Variants in SGCG observed in about 807,000 individuals in gnomAD.
SGCG encodes sarcoglycan gamma, also known as gamma-sarcoglycan.
SGCG carries 26 observed loss-of-function variants against 29.3 expected under a neutral mutation model. The observed-to-expected ratio is 0.89, with a 90% CI of 0.65 to 1.23. SGCG has a LOEUF of 1.23. SGCG is among the 50% of genes most tolerant of loss of function. The pLI, the probability that SGCG is intolerant of heterozygous loss-of-function variation, is 0.00. For missense variants in SGCG, 353 were observed against 356.0 expected (o/e 0.99, Z 0.07); for synonymous variants, 145 against 129.7 (o/e 1.12, Z -0.80).
the SGCG span, among the ~76,000 whole-genome samples, chr13:23,162,571 A>G: frequency 6.6e-6 from 1 of 152,032 alleles, no homozygotes; most frequent in South Asian, 2.1e-4. Flanking sequence ...GCTTGCAGTG[A>G]GCCGAGATCA....
At chr13:23,299,435 TATATATATATATA>T (rs1461766579) in intron 6 of SGCG, among the ~76,000 whole-genome samples, 291 of 20,182 alleles carry the variant, frequency 0.014, 38 homozygotes, top group East Asian at 0.11. Flanking sequence ...TATATATATA[TATATATATATATA>T]TATATATATT....
intron 4 of SGCG, among the ~76,000 whole-genome samples, chr13:23,276,882 T>G (rs1263307045): frequency 6.6e-6 from 1 of 152,240 alleles, no homozygotes; most frequent in East Asian, 1.9e-4. Flanking sequence ...GAAACCAGGC[T>G]TACATGCTTT....
intron 4 of SGCG, among the ~76,000 whole-genome samples, chr13:23,252,615 C>T (rs1023984636): frequency 2.6e-5 from 4 of 151,930 alleles, no homozygotes; most frequent in African/African-American, 7.3e-5. Context: ...GGCGTGAACC[C>T]GGGAGGCGGA....
At chr13:23,194,994 C>T (rs1165972407) in intron 1 of SGCG, among the ~76,000 whole-genome samples, 1 of 152,214 alleles carries the variant, frequency 6.6e-6, no homozygotes, top group Non-Finnish European at 1.5e-5. Flanking sequence ...TTAACATTAA[C>T]TCAGCTTTCA....
chr13:23,261,522 C>T (rs918493534), intron 4 of SGCG, among the ~76,000 whole-genome samples: 1 of 151,836 alleles, frequency 6.6e-6, no homozygotes, highest in African/African-American at 2.4e-5. Flanking sequence ...GTAAAACAAC[C>T]AAACTAACAA....
chr13:23,181,686 A>G (rs1006697983), intron 1 of SGCG, among the ~76,000 whole-genome samples: 1 of 152,244 alleles, frequency 6.6e-6, no homozygotes, highest in Non-Finnish European at 1.5e-5. Context: ...AAAAATAAAC[A>G]TAAGTGGGGT....
At chr13:23,168,554 T>A in the SGCG span, among the ~76,000 whole-genome samples, 3 of 152,308 alleles carry the variant, frequency 2.0e-5, no homozygotes, top group East Asian at 5.8e-4. Context: ...ATAACGCAGC[T>A]TCTCAGTACA....
intron 4 of SGCG, among the ~76,000 whole-genome samples, chr13:23,263,429 A>G (rs1880521796): frequency 6.6e-6 from 1 of 152,088 alleles, no homozygotes; most frequent in Admixed American, 6.5e-5. Flanking sequence ...TTGAATCAGA[A>G]AGAAATAGAA....
chr13:23,207,575 G>T (rs1878029479), intron 2 of SGCG, among the ~76,000 whole-genome samples: 3 of 152,056 alleles, frequency 2.0e-5, no homozygotes, highest in South Asian at 4.1e-4. Flanking sequence ...ACTGATAAGG[G>T]GTTAATTTCC....
In SGCG at chr13:23,202,960, T is replaced by A. The variant is rs190286091; in HGVS notation, c.1-735T>A. ...TGAATAATTTTTTAAGTTTTCTTTT[T>A]TTCTTTTTCTTTTTTTTGAGATGGA... On this transcript the variant is annotated intron_variant, in intron 1 of 7. Transcript: ENST00000218867. Among the ~76,000 whole-genome samples the A allele has an allele frequency of 3.3e-3, 506 of 152,294 alleles. 2 individuals are homozygous for A. Among genetic ancestry groups the A allele is most frequent in the African/African-American group, 0.011 (477 of 41,558 alleles).
chr13:23,289,850 T>C (rs2137634708), intron 5 of SGCG, among the ~76,000 whole-genome samples: 1 of 152,312 alleles, frequency 6.6e-6, no homozygotes, highest in South Asian at 2.1e-4. Flanking sequence ...TTGAACAGGG[T>C]ACTCCTTGAT....
intron 6 of SGCG, among the ~76,000 whole-genome samples, chr13:23,310,250 G>A (rs9507078): frequency 3.3e-5 from 5 of 151,362 alleles, no homozygotes; most frequent in Non-Finnish European, 7.4e-5. Context: ...CCACACCCGG[G>A]TAATTTTTTG....
At chr13:23,274,238 TC>T (rs1466392002) in intron 4 of SGCG, among the ~76,000 whole-genome samples, 1 of 152,148 alleles carries the variant, frequency 6.6e-6, no homozygotes, top group Non-Finnish European at 1.5e-5. Flanking sequence ...TCACTAAGTC[TC>T]CTCATCTGTC....
intron 1 of SGCG, among the ~76,000 whole-genome samples, chr13:23,190,702 C>T (rs1324968451): frequency 6.6e-6 from 1 of 151,930 alleles, no homozygotes; most frequent in Non-Finnish European, 1.5e-5. Context: ...TGTAATTGAC[C>T]CACTATATTT....
At chr13:23,322,763 CA>C (rs1883089607) in intron 7 of SGCG, among the ~76,000 whole-genome samples, 1 of 38,388 alleles carries the variant, frequency 2.6e-5, no homozygotes, top group Non-Finnish European at 4.9e-5. Context: ...GCCCCCCACC[CA>C]TCCACCTCCC....
intron 2 of SGCG, among the ~76,000 whole-genome samples, chr13:23,205,547 TG>T: frequency 6.6e-6 from 1 of 152,180 alleles, no homozygotes; most frequent in East Asian, 1.9e-4. Context: ...TTATGAAATA[TG>T]GGTGAATTAA....
At chr13:23,162,241 C>A in the SGCG span, among the ~76,000 whole-genome samples, 1 of 152,180 alleles carries the variant, frequency 6.6e-6, no homozygotes, top group Non-Finnish European at 1.5e-5. Context: ...CACACTATTA[C>A]ATTTTAATCA....
intron 2 of SGCG, among the ~76,000 whole-genome samples, chr13:23,229,773 AG>A (rs1879034947): frequency 6.6e-6 from 1 of 152,068 alleles, no homozygotes; most frequent in Non-Finnish European, 1.5e-5. Flanking sequence ...GCTGCTCAAA[AG>A]CTCTTTAGTT....
At chr13:23,271,827 C>T (rs1880887281) in intron 4 of SGCG, among the ~76,000 whole-genome samples, 1 of 152,154 alleles carries the variant, frequency 6.6e-6, no homozygotes, top group Non-Finnish European at 1.5e-5. Flanking sequence ...TTCATTTATT[C>T]AAGTGTCTTT....
Sources: allele counts gnomAD v4.1 joint callset (sites outside exome capture counted in the v4.1 genomes callset), GRCh38; gene constraint gnomAD v4.1.1; transcripts MANE v1.5; gene names NCBI Gene and HGNC (gene_info 2026-07-23, HGNC 2026-07-21).